Variants in SIRPB2 observed in about 807,000 individuals in gnomAD.
The protein encoded by SIRPB2 is signal regulatory protein beta 2.
A neutral mutation model predicts 27.1 loss-of-function variants in SIRPB2; 18 were observed. That is an observed-to-expected ratio of 0.66 (90% CI 0.46 to 0.98). The LOEUF (loss-of-function observed/expected upper bound fraction) is 0.98, where lower values mean the gene tolerates loss of function less well. SIRPB2 is among the 50% of genes least tolerant of loss of function. The pLI is 0.00. For synonymous variants in SIRPB2, 150 were observed against 164.6 expected, an observed-to-expected ratio of 0.91 and a Z score of 0.68; for missense variants, 420 against 417.4, an observed-to-expected ratio of 1.01 and a Z score of -0.06.
intron 4 of SIRPB2, chr20:1,476,665 G>A (rs2090609198): frequency 9.9e-7 from 1 of 1,014,968 alleles, no homozygotes; most frequent in African/African-American, 1.7e-5. Flanking sequence ...GACCCAGAGT[G>A]GGGAAATGAT....
chr20:1,480,155 C>G (rs2090655755), intron 1 of SIRPB2, 90 bp from the exon 2 acceptor site: 5 of 1,462,254 alleles, frequency 3.4e-6, no homozygotes, highest in Non-Finnish European at 4.5e-6. Context: ...ATTATCTGGC[C>G]AAGAACAATG....
chr20:1,486,272 C>T (rs539033940), intron 1 of SIRPB2, among the ~76,000 whole-genome samples: 2 of 151,916 alleles, frequency 1.3e-5, no homozygotes, highest in African/African-American at 4.8e-5. Flanking sequence ...AGGGTTTCGC[C>T]ATGTTAGCCA....
At chr20:1,490,879 G>T (rs951983654) in intron 1 of SIRPB2, among the ~76,000 whole-genome samples, 1 of 152,202 alleles carries the variant, frequency 6.6e-6, no homozygotes, top group Admixed American at 6.5e-5. Flanking sequence ...TCATTTTGCA[G>T]TGGGTCTCAT....
rs1282153709 is a variant in SIRPB2, at chr20:1,476,719, C to T, written c.860-383G>A. The T allele has an allele frequency of 1.1e-5, 12 of 1,045,294 alleles. No individual in the cohort carries two copies. In the South Asian group the frequency reaches 1.4e-4, roughly 12 times the overall value. 64.8% of individuals were successfully genotyped at this position (1,045,294 alleles called of 1,614,324 possible). On this transcript the variant is annotated intron_variant, in intron 4 of 4. Coordinates refer to ENST00000359801, the MANE Select transcript of SIRPB2 (RefSeq NM_001122962.2). Reference sequence around the variant, plus strand: ...GTTAAAGAAGTCACGGGACCCAGGCCGTCTGGCCCCCATGAATGGCAGGAG... The same window carrying T: ...GTTAAAGAAGTCACGGGACCCAGGCTGTCTGGCCCCCATGAATGGCAGGAG...
downstream of SIRPB2, among the ~76,000 whole-genome samples, chr20:1,471,794 T>C (rs2090581844): frequency 6.6e-6 from 1 of 152,178 alleles, no homozygotes; most frequent in Non-Finnish European, 1.5e-5. Context: ...TTGCTCCTTT[T>C]CTTCCTCCAG....
chr20:1,471,049 A>G (rs1212010053), downstream of SIRPB2: 2 of 151,946 alleles, frequency 1.3e-5, no homozygotes, highest in East Asian at 1.9e-4. Context: ...TCTTCAATAA[A>G]CTCTGCTACT....
intron 1 of SIRPB2, among the ~76,000 whole-genome samples, chr20:1,481,331 C>T (rs1354611083): frequency 3.3e-5 from 5 of 151,970 alleles, no homozygotes; most frequent in African/African-American, 7.3e-5. Context: ...TCTCCATTTT[C>T]GAGATGAGAA....
intron 1 of SIRPB2, among the ~76,000 whole-genome samples, chr20:1,484,267 C>T (rs1335053188): frequency 6.6e-6 from 1 of 152,174 alleles, no homozygotes; most frequent in Non-Finnish European, 1.5e-5. Flanking sequence ...AGGGAAGGGA[C>T]TCCAGGACAC....
At chr20:1,484,725 C>T (rs2090709116) in intron 1 of SIRPB2, among the ~76,000 whole-genome samples, 1 of 151,174 alleles carries the variant, frequency 6.6e-6, no homozygotes, top group African/African-American at 2.4e-5. Context: ...AAACAAACCA[C>T]CACAAATATA....
At chr20:1,472,065 C>T (rs79464111), downstream of SIRPB2, among the ~76,000 whole-genome samples, 6 of 152,166 alleles carry the variant, frequency 3.9e-5, no homozygotes, top group African/African-American at 1.2e-4. Flanking sequence ...AGTGTAGTCA[C>T]TGACATCAAG....
intron 1 of SIRPB2, 130 bp from the exon 2 acceptor site, chr20:1,480,195 C>T (rs571906279): frequency 7.9e-6 from 10 of 1,271,160 alleles, no homozygotes; most frequent in Admixed American, 5.7e-5. Context: ...TGTCATTAGA[C>T]AGGGAAGGGA....
At chr20:1,479,634 G>T (rs2090646037) in intron 2 of SIRPB2, 66 bp downstream of exon 2, 11 of 1,581,808 alleles carry the variant, frequency 7.0e-6, no homozygotes, top group Non-Finnish European at 9.5e-6. Flanking sequence ...TGATACAGTG[G>T]ATAAAGGTGA....
At chr20:1,474,109 C>T (rs1406986951), downstream of SIRPB2, among the ~76,000 whole-genome samples, 1 of 152,216 alleles carries the variant, frequency 6.6e-6, no homozygotes, top group Non-Finnish European at 1.5e-5. Context: ...CCGTGTCTCT[C>T]TTGTAAGGAT....
Position 1,478,327 on chromosome 20 carries a change from CTT to C in SIRPB2, c.730_731del (p.Lys244ValfsTer34). The C allele has an allele frequency of 6.2e-7, 1 of 1,614,230 alleles. No individual in the cohort carries two copies. The highest frequency in any genetic ancestry group is 2.2e-5 in the East Asian group (1 of 44,888). Reference protein sequence around the residue: ...SEDAGTYYCVKFQRKPNRQYL... With the variant: ...SEDAGTYYCVXFQRKPNRQYL... The stretch of plus-strand genomic sequence containing the variant: ...ATTGCCTGTTGGGTTTCCTCTGAAA[CTT>C]TACACAGTAATAGGTGCCTGCATCC... On this transcript the variant is annotated frameshift_variant, in exon 3 of 5. Transcript: ENST00000359801. LOFTEE classifies it high-confidence loss of function.
intron 1 of SIRPB2, among the ~76,000 whole-genome samples, chr20:1,485,298 T>C (rs2090714019): frequency 6.6e-6 from 1 of 152,180 alleles, no homozygotes; most frequent in South Asian, 2.1e-4. Context: ...ATATCCTAAA[T>C]ACTTTGACTC....
intron 1 of SIRPB2, among the ~76,000 whole-genome samples, chr20:1,486,329 T>A (rs1230514020): frequency 6.6e-6 from 1 of 152,084 alleles, no homozygotes; most frequent in Admixed American, 6.6e-5. Flanking sequence ...TGCCTCAGCC[T>A]CCAAAACTGC....
chr20:1,490,826 C>T (rs569252769), intron 1 of SIRPB2, among the ~76,000 whole-genome samples: 1 of 152,326 alleles, frequency 6.6e-6, no homozygotes, highest in Non-Finnish European at 1.5e-5. Context: ...GTTTACTGCT[C>T]TGCTGTGTTG....
chr20:1,477,036 C>T (rs1386525192), intron 4 of SIRPB2: 19 of 1,333,400 alleles, frequency 1.4e-5, no homozygotes, highest in Middle Eastern at 2.8e-4. Context: ...TCTCCAGTGT[C>T]GCTGTGCATA....
chr20:1,483,380 T>C (rs1404624188), intron 1 of SIRPB2, among the ~76,000 whole-genome samples: 1 of 152,166 alleles, frequency 6.6e-6, no homozygotes, highest in Non-Finnish European at 1.5e-5. Flanking sequence ...GTGCTGGGAT[T>C]ACAGGCACGA....
Sources: allele counts gnomAD v4.1 joint callset (sites outside exome capture counted in the v4.1 genomes callset), GRCh38; gene constraint gnomAD v4.1.1; transcripts MANE v1.5; gene names NCBI Gene and HGNC (gene_info 2026-07-23, HGNC 2026-07-21).